RASA3: variants seen among roughly 807,000 people sequenced by gnomAD.
RASA3 encodes RAS p21 protein activator 3.
RASA3 carries 73 observed loss-of-function variants against 110.0 expected under a neutral mutation model. The ratio of observed to expected loss-of-function variants is 0.66; its 90% CI spans 0.55 to 0.81. The LOEUF (loss-of-function observed/expected upper bound fraction) is 0.81, where lower values mean the gene tolerates loss of function less well. Ranked by LOEUF, RASA3 falls within the 30% of genes least tolerant of loss-of-function variation. The pLI is 0.00. For synonymous variants in RASA3, 500 were observed against 451.4 expected (o/e 1.11, Z -1.37); for missense variants, 976 against 1,113.2 (o/e 0.88, Z 1.75).
chr13:114,080,190 T>A (rs1223464174), intron 1 of RASA3, among the ~76,000 whole-genome samples: 1 of 151,932 alleles, frequency 6.6e-6, no homozygotes, highest in East Asian at 2.0e-4. Flanking sequence ...GGCACCATGC[T>A]CCTCCCTCAA....
At chr13:114,018,382 A>G (rs2053841404) in intron 10 of RASA3, 130 bp from the exon 11 acceptor site, 8 of 1,250,306 alleles carry the variant, frequency 6.4e-6, no homozygotes, top group East Asian at 5.2e-5. Context: ...AAACACACAC[A>G]TTCACAAAAA....
At chr13:114,012,117 G>GATA (rs2053647848) in intron 15 of RASA3, among the ~76,000 whole-genome samples, 1 of 152,014 alleles carries the variant, frequency 6.6e-6, no homozygotes, top group African/African-American at 2.4e-5. Flanking sequence ...ATACACGGAT[G>GATA]ATACGCCGAT....
intron 4 of RASA3, among the ~76,000 whole-genome samples, chr13:114,031,369 C>G (rs994149513): frequency 2.6e-4 from 40 of 151,198 alleles, no homozygotes; most frequent in African/African-American, 9.7e-4. Context: ...GTGTGTGCGA[C>G]TATGTGTGCA....
In RASA3 at chr13:114,080,137, G is replaced by C. The variant is rs547166761; in HGVS notation, c.56-6300C>G. Reference sequence around the variant, plus strand: ...GCTCAGGAGGGGCAGAGGCCGCTGGGCTTGGATGGAGCCAGGCCCAGGTCT... The same window carrying C: ...GCTCAGGAGGGGCAGAGGCCGCTGGCCTTGGATGGAGCCAGGCCCAGGTCT... On this transcript the variant is annotated intron_variant, in intron 1 of 23. Transcript: ENST00000334062. 4.6e-5 allele frequency among the ~76,000 whole-genome samples: 7 copies of C among 152,312 alleles called. No individual in the cohort carries two copies. In the South Asian group the frequency reaches 1.0e-3, roughly 23 times the overall value.
intron 9 of RASA3, 104 bp from the exon 10 acceptor site, chr13:114,019,023 G>A (rs1264898213): frequency 1.6e-5 from 23 of 1,436,928 alleles, no homozygotes; most frequent in Non-Finnish European, 1.8e-5. Context: ...GGTCAGGAGG[G>A]TGATCCTGTA....
At chr13:114,024,927 G>A (rs367940122) in intron 7 of RASA3, among the ~76,000 whole-genome samples, 13 of 151,562 alleles carry the variant, frequency 8.6e-5, no homozygotes, top group African/African-American at 2.9e-4. Context: ...GAACAGAAAC[G>A]GAGTGAAGGC....
intron 3 of RASA3, among the ~76,000 whole-genome samples, chr13:114,042,869 T>C (rs2054443086): frequency 6.6e-6 from 1 of 152,136 alleles, no homozygotes; most frequent in African/African-American, 2.4e-5. Flanking sequence ...GCGGTGACCC[T>C]GGAGGAGCAG....
Position 114,018,936 on chromosome 13 carries a change from C to A in RASA3, c.786-17G>T. 1.2e-6 allele frequency: 2 copies of A among 1,612,984 alleles called. No homozygotes were observed. The highest frequency in any genetic ancestry group is 1.7e-6 in the Non-Finnish European group (2 of 1,179,818). The stretch of plus-strand genomic sequence containing the variant: ...AGGAAGTACCTGGGTGGGAGGGACA[C>A]ATGGAGGGGAGGCATGAGGCTGCAT... On this transcript the variant is annotated splice_polypyrimidine_tract_variant and intron_variant, in intron 9 of 23. Transcript: ENST00000334062.
chr13:114,016,096 C>T, intron 13 of RASA3, 101 bp downstream of exon 13: 1 of 1,084,218 alleles, frequency 9.2e-7, no homozygotes, highest in South Asian at 1.3e-5. Flanking sequence ...CTGCTCCCAC[C>T]CCAACCGGGG....
At chr13:114,039,442 C>T (rs960304805) in intron 4 of RASA3, among the ~76,000 whole-genome samples, 5 of 152,160 alleles carry the variant, frequency 3.3e-5, no homozygotes, top group Non-Finnish European at 4.4e-5. Flanking sequence ...CAGACGCTCA[C>T]TGCGGTCCCA....
intron 18 of RASA3, among the ~76,000 whole-genome samples, chr13:114,003,482 AAAAGTTTCCTCTTC>A (rs1473561507): frequency 6.6e-6 from 1 of 152,246 alleles, no homozygotes; most frequent in Non-Finnish European, 1.5e-5. Context: ...GTAGAAAGTA[AAAAGTTTCCTCTTC>A]AAAGTTTCCC....
chr13:114,108,286 G>GCGTCTGTCACCCCGTCTGTCACCCTGCA (rs375697720), intron 1 of RASA3, among the ~76,000 whole-genome samples: 1 of 25,970 alleles, frequency 3.9e-5, no homozygotes, highest in African/African-American at 1.3e-4. Context: ...TGTCATCCCC[G>GCGTCTGTCACCCCGTCTGTCACCCTGCA]TCCGTCACCC....
chr13:114,044,811 T>C (rs2079025332), intron 3 of RASA3, among the ~76,000 whole-genome samples: 1 of 152,090 alleles, frequency 6.6e-6, no homozygotes, highest in South Asian at 2.1e-4. Context: ...TTTTGAAGTC[T>C]GAAGTTTTAA....
chr13:114,116,095 C>T (rs1594472327), intron 1 of RASA3, among the ~76,000 whole-genome samples: 1 of 152,320 alleles, frequency 6.6e-6, no homozygotes, highest in South Asian at 2.1e-4. Flanking sequence ...ACCCCGGGTC[C>T]CCTGTGGGCC....
chr13:114,002,467 G>A (rs1451213950), intron 18 of RASA3, among the ~76,000 whole-genome samples: 1 of 151,996 alleles, frequency 6.6e-6, no homozygotes, highest in African/African-American at 2.4e-5. Flanking sequence ...AGTGGGATGC[G>A]CAGGGCGGGG....
chr13:114,039,081 T>C (rs748499925), intron 4 of RASA3, among the ~76,000 whole-genome samples: 2 of 152,228 alleles, frequency 1.3e-5, no homozygotes, highest in African/African-American at 2.4e-5. Context: ...GCAAAGGACG[T>C]TGGCAACAAT....
At chr13:114,116,727 T>G (rs1312361608) in intron 1 of RASA3, among the ~76,000 whole-genome samples, 1 of 152,128 alleles carries the variant, frequency 6.6e-6, no homozygotes, top group Non-Finnish European at 1.5e-5. Context: ...TCTGCATCAG[T>G]GTGGGTGAGC....
intron 1 of RASA3, among the ~76,000 whole-genome samples, chr13:114,093,572 TC>T (rs1389897633): frequency 6.6e-6 from 1 of 152,224 alleles, no homozygotes; most frequent in African/African-American, 2.4e-5. Flanking sequence ...CCTTTGACCT[TC>T]CTGTACCTGA....
chr13:113,988,932 AC>A (rs2053032882), intron 22 of RASA3, among the ~76,000 whole-genome samples: 3 of 125,892 alleles, frequency 2.4e-5, no homozygotes, highest in East Asian at 2.5e-4. Flanking sequence ...CTGTCCATCC[AC>A]CCATCACTCA....
Sources: gnomAD v4.1 joint callset for allele counts (sites outside exome capture counted in the v4.1 genomes callset) on GRCh38, gnomAD v4.1.1 for gene constraint, MANE v1.5 for transcripts, NCBI Gene and HGNC (gene_info 2026-07-23, HGNC 2026-07-21) for gene names.